Variants in ZBTB41 observed in about 807,000 individuals in gnomAD.
ZBTB41 encodes zinc finger and BTB domain containing 41.
Under a neutral mutation model 87.6 loss-of-function variants are expected in ZBTB41, and 42 were observed. The ratio of observed to expected loss-of-function variants is 0.48; its 90% CI spans 0.37 to 0.62. The LOEUF (loss-of-function observed/expected upper bound fraction) is 0.62, where lower values mean the gene tolerates loss of function less well. ZBTB41 is among the 20% of genes least tolerant of loss of function. The probability of loss-of-function intolerance (pLI) is 0.00; values close to 1 mark genes in which losing one functional copy is unlikely to be tolerated. For missense variants in ZBTB41, 799 were observed against 1,078.9 expected, an observed-to-expected ratio of 0.74 and a Z score of 3.63; for synonymous variants, 364 against 364.0, an observed-to-expected ratio of 1.00 and a Z score of 0.00.
At chr1:197,173,936 T>C (rs1290362415) in intron 9 of ZBTB41, among the ~76,000 whole-genome samples, 1 of 152,102 alleles carries the variant, frequency 6.6e-6, no homozygotes, top group Admixed American at 6.6e-5. Context: ...GTAGAAGCCA[T>C]GAATATTGAG....
At chr1:197,197,009 G>A (rs1660181031) in intron 2 of ZBTB41, among the ~76,000 whole-genome samples, 1 of 152,098 alleles carries the variant, frequency 6.6e-6, no homozygotes, top group Admixed American at 6.6e-5. Context: ...GGTTCTTGAT[G>A]ACAGAGAATA....
chr1:197,160,012 C>T lies in ZBTB41; in HGVS notation c.2077G>A (p.Glu693Lys). Reference sequence around the variant, plus strand: ...CAAATTTGACACTTGTATGGTTTTTCACCTATATGAATGAACAAGAATATA... The same window carrying T: ...CAAATTTGACACTTGTATGGTTTTTTACCTATATGAATGAACAAGAATATA... ...LEMHFRTHSG[E>K]KPYKCQICNQ... is the part of the protein sequence containing the mutation. The change falls in exon 11 of 11, where the codon GAA becomes AAA. Residue 693 changes from glutamate to lysine, a missense_variant and splice_region_variant. Glu to Lys is a moderately conservative substitution (Grantham distance 56). Coordinates refer to ENST00000367405, the MANE Select transcript of ZBTB41 (RefSeq NM_194314.3). 1 of 1,607,968 alleles carries T rather than the reference C, an allele frequency of 6.2e-7. No homozygotes were observed. Among genetic ancestry groups the T allele is most frequent in the Non-Finnish European group, 8.5e-7 (1 of 1,176,016 alleles).
rs926334411 is a variant in ZBTB41 at position 197,156,303 on chromosome 1, A to C, written c.*3056T>G. On this transcript the variant is annotated 3_prime_UTR_variant, in exon 11 of 11. Coordinates refer to ENST00000367405, the MANE Select transcript of ZBTB41 (RefSeq NM_194314.3). ...GAAAGAATTTAAAGTCTTTTAAACTATTTAATACCTACTAAAAATCTTTGG... is the reference window on the plus strand; with the variant it reads ...GAAAGAATTTAAAGTCTTTTAAACTCTTTAATACCTACTAAAAATCTTTGG... The C allele has an allele frequency of 1.3e-5, 2 of 152,230 alleles. No individual in the cohort carries two copies. Among genetic ancestry groups the C allele is most frequent in the Admixed American group, 6.6e-5 (1 of 15,210 alleles). 9.4% of individuals were successfully genotyped at this position (152,230 alleles called of 1,614,324 possible). A position where few individuals can be genotyped will look rare whatever the true frequency, so the allele number is the denominator to read the frequency against.
chr1:197,175,140 T>G, intron 8 of ZBTB41, 25 bp from the exon 9 acceptor site: 1 of 1,583,944 alleles, frequency 6.3e-7, no homozygotes, highest in Non-Finnish European at 8.6e-7. Flanking sequence ...CCAAATATTT[T>G]CATTATAATA....
At chr1:197,163,436 A>T (rs866720459) in intron 10 of ZBTB41, among the ~76,000 whole-genome samples, 77 of 152,028 alleles carry the variant, frequency 5.1e-4, no homozygotes, top group African/African-American at 1.8e-3. Flanking sequence ...TTTACCAGAG[A>T]TTGGAATCTA....
chr1:197,189,578 A>G (rs2125137494), intron 4 of ZBTB41, among the ~76,000 whole-genome samples: 1 of 152,218 alleles, frequency 6.6e-6, no homozygotes, highest in Middle Eastern at 3.4e-3. Context: ...GAGGTACTGT[A>G]GAATAAAGAT....
chr1:197,175,431 A>ATATATATATATATATATATATATAT (rs1659579396), intron 8 of ZBTB41, among the ~76,000 whole-genome samples: 2 of 71,558 alleles, frequency 2.8e-5, no homozygotes, highest in Non-Finnish European at 3.0e-5. Context: ...AGGAATTTTA[A>ATATATATATATATATATATATATAT]ATATATATAT....
At chr1:197,164,685 T>TA (rs1210035144) in intron 10 of ZBTB41, among the ~76,000 whole-genome samples, 1 of 142,542 alleles carries the variant, frequency 7.0e-6, no homozygotes, top group African/African-American at 2.6e-5. Flanking sequence ...ATATATTATA[T>TA]TAGATATATA....
intron 10 of ZBTB41, among the ~76,000 whole-genome samples, chr1:197,165,558 C>T (rs1201268013): frequency 6.6e-6 from 1 of 150,544 alleles, no homozygotes; most frequent in Non-Finnish European, 1.5e-5. Context: ...TGCAGTGAGC[C>T]GAGATTGCAC....
Position 197,188,394 on chromosome 1 carries a change from T to C in ZBTB41, c.1444A>G (p.Met482Val). ...GGTTTATCTTGAGAATGTAGAATCA[T>C]ATGTTCCTCCAAGTGTGGTCTTCGA... is the stretch of plus-strand genomic sequence containing the variant. The part of the protein sequence containing the change: ...FTRRPHLEEH[M>V]ILHSQDKPFK... The change falls in exon 5 of 11, where the codon ATG (methionine) becomes GTG (valine). Residue 482 changes from methionine (M) to valine (V), a missense_variant. Met to Val is a conservative substitution (Grantham distance 21). Coordinates refer to ENST00000367405, the MANE Select transcript of ZBTB41 (RefSeq NM_194314.3). The C allele has an allele frequency of 6.2e-7, 1 of 1,613,412 alleles. No homozygotes were observed. The highest frequency in any genetic ancestry group is 8.5e-7 in the Non-Finnish European group (1 of 1,179,734).
Position 197,159,668 on chromosome 1 carries a change from A to G in ZBTB41, c.2421T>C (p.Cys807=), listed in dbSNP as rs1376572022. ...GAACTGGAACCAGAGTTACTGGAAC[A>G]CATACTTCAGCAGATACATTCTGTA... The part of the protein sequence containing the change: ...TMLQNVSAEV[C]VPVTLVPVQM... Residue 807 remains cysteine, a synonymous_variant, in exon 11 of 11, where the codon TGT becomes TGC. Coordinates refer to ENST00000367405, the MANE Select transcript of ZBTB41 (RefSeq NM_194314.3). 6 of 1,613,924 alleles carry G rather than the reference A, an allele frequency of 3.7e-6. No individual in the cohort carries two copies. In the Admixed American group the frequency reaches 6.7e-5, roughly 18 times the overall value.
chr1:197,178,959 C>T (rs1411910219), intron 6 of ZBTB41, among the ~76,000 whole-genome samples: 1 of 152,022 alleles, frequency 6.6e-6, no homozygotes, highest in African/African-American at 2.4e-5. Context: ...TTTCTAACTT[C>T]CAGGTGCTGA....
chr1:197,198,725 ATGTAT>A (rs1660227171), intron 2 of ZBTB41, among the ~76,000 whole-genome samples: 1 of 152,208 alleles, frequency 6.6e-6, no homozygotes, highest in Admixed American at 6.5e-5. Flanking sequence ...AAAAAAGTTG[ATGTAT>A]TCATTATTAT....
Position 197,199,883 on chromosome 1 carries a change from A to C in ZBTB41, c.591T>G (p.Asn197Lys). The C allele has an allele frequency of 6.2e-7, 1 of 1,610,214 alleles. No individual in the cohort carries two copies. The highest frequency in any genetic ancestry group is 8.5e-7 in the Non-Finnish European group (1 of 1,178,634). The change falls in exon 2 of 11, where the codon AAT becomes AAG. Residue 197 changes from asparagine to lysine, a missense_variant. Asn to Lys is a moderately conservative substitution (Grantham distance 94, BLOSUM62 0). This residue lies in a region of ZBTB41 where 294 missense variants were observed against 340.1 expected (regional missense o/e 0.86). Transcript: ENST00000367405. ...TATTTGATAGTCTTCCAGTTAATTC[A>C]TTTAGTGTTTCTTCTGGTGATGACT... ...TEKSSPEETLNELTGRLSNNH... is the reference protein window; with the variant it reads ...TEKSSPEETLKELTGRLSNNH...
chr1:197,154,594 A>G lies in ZBTB41; in HGVS notation c.*4765T>C, dbSNP rs1441093042. 6.6e-6 allele frequency: 1 copy of G among 152,054 alleles called. No homozygotes were observed. The highest frequency in any genetic ancestry group is 1.5e-5 in the Non-Finnish European group (1 of 67,928). 9.4% of individuals were successfully genotyped at this position (152,054 alleles called of 1,614,324 possible). ...ATTAATGCTACTTCCAAAGAGAAAG[A>G]GCAGAAAGCATGCTAAGATTATAGG... is the stretch of plus-strand genomic sequence containing the variant. On this transcript the variant is annotated 3_prime_UTR_variant, in exon 11 of 11. Coordinates refer to ENST00000367405, the MANE Select transcript of ZBTB41 (RefSeq NM_194314.3).
Position 197,159,590 on chromosome 1 carries a change from T to C in ZBTB41, c.2499A>G (p.Pro833=). 1 of 1,613,930 alleles carries C rather than the reference T, an allele frequency of 6.2e-7. No individual in the cohort carries two copies. The highest frequency in any genetic ancestry group is 8.5e-7 in the Non-Finnish European group (1 of 1,179,880). Residue 833 remains proline, a synonymous_variant, in exon 11 of 11, where the codon CCA becomes CCG. Coordinates refer to ENST00000367405, the MANE Select transcript of ZBTB41 (RefSeq NM_194314.3). ...DLVRHTTTLP[P]SSHEILSPQP... Reference sequence around the variant, plus strand: ...GTGGTGACAGAATCTCATGAGAAGATGGTGGGAGTGTGGTAGTATGACGCA... The same window carrying C: ...GTGGTGACAGAATCTCATGAGAAGACGGTGGGAGTGTGGTAGTATGACGCA...
rs775016513 is a variant in ZBTB41 at position 197,159,572 on chromosome 1, C to A, written c.2517G>T (p.Leu839=). 4.3e-6 allele frequency: 7 copies of A among 1,613,808 alleles called. No individual in the cohort carries two copies. Among genetic ancestry groups the A allele is most frequent in the Non-Finnish European group, 5.9e-6 (7 of 1,179,898 alleles). Residue 839 remains leucine, a synonymous_variant, in exon 11 of 11, where the codon CTG becomes CTT. Coordinates refer to ENST00000367405, the MANE Select transcript of ZBTB41 (RefSeq NM_194314.3). ...AATCAGTTGACTGTGGCTGTGGTGA[C>A]AGAATCTCATGAGAAGATGGTGGGA... The part of the protein sequence containing the change: ...TTLPPSSHEI[L]SPQPQSTDYP...
chr1:197,184,722 TG>T (rs1334228188), intron 5 of ZBTB41, among the ~76,000 whole-genome samples: 1 of 152,150 alleles, frequency 6.6e-6, no homozygotes, highest in East Asian at 1.9e-4. Context: ...GTGAGTAGTT[TG>T]GATGATAAAC....
At position 197,188,442 on chromosome 1, in the gene ZBTB41, A is replaced by T; in HGVS notation, c.1399-3T>A. The stretch of plus-strand genomic sequence containing the variant: ...CGAGTAAAAGATTTCTTACAAATCT[A>T]AATTAAAATGCAAACAAAATGTTAA... On this transcript the variant is annotated splice_region_variant and splice_polypyrimidine_tract_variant and intron_variant, in intron 4 of 10. Coordinates refer to ENST00000367405, the MANE Select transcript of ZBTB41 (RefSeq NM_194314.3). 6.3e-7 allele frequency: 1 copy of T among 1,592,134 alleles called. No homozygotes were observed. The highest frequency in any genetic ancestry group is 8.5e-7 in the Non-Finnish European group (1 of 1,171,698).
Sources: gnomAD v4.1 joint callset for allele counts (sites outside exome capture counted in the v4.1 genomes callset) on GRCh38, gnomAD v4.1.1 for gene constraint, gnomAD v4.1.1 regional missense constraint, MANE v1.5 for transcripts, NCBI Gene and HGNC (gene_info 2026-07-23, HGNC 2026-07-21) for gene names.